Variants in OPRM1 observed in about 807,000 individuals in gnomAD.
The protein encoded by OPRM1 is mu-type opioid receptor.
OPRM1 carries 27 observed loss-of-function variants against 31.8 expected under a neutral mutation model. That is an observed-to-expected ratio of 0.85 (90% CI 0.63 to 1.17). The LOEUF (loss-of-function observed/expected upper bound fraction) is 1.17, where lower values mean the gene tolerates loss of function less well. Among genes scored for constraint, OPRM1 ranks in the 50% most tolerant of loss-of-function variants. The pLI is 0.00. For synonymous variants in OPRM1, 196 were observed against 189.9 expected, an observed-to-expected ratio of 1.03 and a Z score of -0.26; for missense variants, 536 against 511.1, an observed-to-expected ratio of 1.05 and a Z score of -0.47.
In OPRM1 at chr6:154,110,406, G is replaced by C. The variant is rs749570415; in HGVS notation, c.1165-8277G>C. 43 of 1,507,820 alleles carry C rather than the reference G, an allele frequency of 2.9e-5. No homozygotes were observed. The South Asian group carries it at 4.9e-4, about 17-fold the overall frequency. 93.4% of individuals were successfully genotyped at this position (1,507,820 alleles called of 1,614,324 possible). ...TTTACTCAACTGTGAGCATACCAAG[G>C]GCTAATAATTACAATATTTTCCCGT... On this transcript the variant is annotated intron_variant, in intron 3 of 3. Coordinates refer to ENST00000330432, the MANE Select transcript of OPRM1 (RefSeq NM_000914.5).
At chr6:154,173,988 A>G (rs1203119431) in intron 3 of OPRM1, among the ~76,000 whole-genome samples, 1 of 152,254 alleles carries the variant, frequency 6.6e-6, no homozygotes, top group Non-Finnish European at 1.5e-5. Context: ...CAGAAACCCT[A>G]CAAGCCAGAA....
chr6:154,080,731 A>G (rs1268153248), intron 1 of OPRM1, among the ~76,000 whole-genome samples: 1 of 152,196 alleles, frequency 6.6e-6, no homozygotes, highest in Non-Finnish European at 1.5e-5. Context: ...GGCTCCGGCT[A>G]AACTGTAGAC....
At chr6:154,246,666 A>G (rs1298941117) in intron 3 of OPRM1, 17 of 1,613,858 alleles carry the variant, frequency 1.1e-5, no homozygotes, top group Non-Finnish European at 1.4e-5. Flanking sequence ...TGCTTAGGAA[A>G]CTTCCCTTTT....
chr6:154,186,451 A>G (rs549063534), intron 3 of OPRM1, among the ~76,000 whole-genome samples: 8 of 152,306 alleles, frequency 5.3e-5, no homozygotes, highest in Middle Eastern at 3.4e-3. Flanking sequence ...AGCAAATCCC[A>G]TCACCTCCAC....
chr6:154,114,669 A>G (rs1311791171), intron 3 of OPRM1, among the ~76,000 whole-genome samples: 1 of 152,200 alleles, frequency 6.6e-6, no homozygotes. Context: ...ATTCATTTAC[A>G]GTCACAATGT....
At chr6:154,088,567 G>A (rs146686443) in intron 1 of OPRM1, among the ~76,000 whole-genome samples, 25 of 152,158 alleles carry the variant, frequency 1.6e-4, no homozygotes, top group South Asian at 1.0e-3. Flanking sequence ...AACAGGCAAC[G>A]GTCCAATTGG....
At position 154,168,590 on chromosome 6, in the gene OPRM1, A is replaced by T. The variant is rs1480827634; in HGVS notation, c.1164+77118A>T. ...AGGACGTCAACATACGAATTTTATTAATTAATTAATTAATTTTATTATTAT... is the reference window on the plus strand; with the variant it reads ...AGGACGTCAACATACGAATTTTATTTATTAATTAATTAATTTTATTATTAT... On this transcript the variant is annotated intron_variant, in intron 3 of 3. Coordinates refer to the OPRM1 transcript ENST00000337049. The surrounding 1 kb of genome is among the most constrained non-coding windows in gnomAD (Gnocchi z 4.1). Among the ~76,000 whole-genome samples the T allele has an allele frequency of 6.6e-6, 1 of 152,006 alleles. No homozygotes were observed. Among genetic ancestry groups the T allele is most frequent in the Non-Finnish European group, 1.5e-5 (1 of 68,004 alleles).
At chr6:154,010,859 G>T (rs1777687198) in exon 1 of OPRM1, 1 of 1,341,914 alleles carries the variant, frequency 7.5e-7, no homozygotes, top group Non-Finnish European at 9.6e-7. Context: ...CCTTGTTCTT[G>T]TGGTTGCTAC....
At chr6:154,066,234 C>T (rs1053249526) in intron 1 of OPRM1, among the ~76,000 whole-genome samples, 4 of 152,002 alleles carry the variant, frequency 2.6e-5, no homozygotes, top group African/African-American at 9.7e-5. Context: ...GTTTTCTTTT[C>T]TTGTAGTATC....
intron 1 of OPRM1, among the ~76,000 whole-genome samples, chr6:154,089,426 A>C (rs1791465371): frequency 6.6e-6 from 1 of 152,030 alleles, no homozygotes; most frequent in African/African-American, 2.4e-5. Context: ...GTCCCTACAA[A>C]AGTTTTTTAA....
chr6:154,155,842 CT>C (rs1484190190), intron 3 of OPRM1: 1 of 152,132 alleles, frequency 6.6e-6, no homozygotes, highest in African/African-American at 2.4e-5. Flanking sequence ...TTAAACATGT[CT>C]TAAATTTGAA....
intron 1 of OPRM1, among the ~76,000 whole-genome samples, chr6:154,020,367 G>A (rs549625963): frequency 2.4e-4 from 36 of 152,266 alleles, no homozygotes; most frequent in Admixed American, 8.5e-4. Context: ...CCATACTCCT[G>A]AAAGATACCA....
rs2128531399 is a variant in OPRM1, at chr6:154,128,071, C to CA, written c.*9351dup. Among the ~76,000 whole-genome samples the CA allele has an allele frequency of 6.6e-6, 1 of 152,292 alleles. No individual in the cohort carries two copies. The highest frequency in any genetic ancestry group is 1.5e-5 in the Non-Finnish European group (1 of 68,022). On this transcript the variant is annotated 3_prime_UTR_variant, in exon 4 of 4. Coordinates refer to ENST00000330432, the MANE Select transcript of OPRM1 (RefSeq NM_000914.5). Reference sequence around the variant, plus strand: ...ATCTGTATAAATTAGGTTCAAATAACAGAGTATTTCCAGGATTTATAAATT... The same window carrying CA: ...ATCTGTATAAATTAGGTTCAAATAACAAGAGTATTTCCAGGATTTATAAATT...
intron 3 of OPRM1, among the ~76,000 whole-genome samples, chr6:154,239,353 G>A (rs1378791595): frequency 6.6e-6 from 1 of 152,036 alleles, no homozygotes; most frequent in Non-Finnish European, 1.5e-5. Context: ...ATAATTGTTA[G>A]AACACAATAA....
exon 1 of OPRM1, chr6:154,010,897 G>A (rs1777688961): frequency 3.0e-6 from 4 of 1,322,644 alleles, no homozygotes; most frequent in Non-Finnish European, 3.9e-6. Context: ...CTATGAGAAG[G>A]ACCAGCCCTT....
At chr6:154,221,203 T>C (rs1778836072) in intron 3 of OPRM1, 1 of 1,299,618 alleles carries the variant, frequency 7.7e-7, no homozygotes, top group African/African-American at 1.5e-5. Context: ...AGTACCAGGC[T>C]AAAGTTAAGT....
In OPRM1 at chr6:154,119,554, C is replaced by A; in HGVS notation, c.*833C>A. 2.0e-6 allele frequency: 1 copy of A among 492,464 alleles called. No individual in the cohort carries two copies. Among genetic ancestry groups the A allele is most frequent in the Non-Finnish European group, 2.6e-6 (1 of 379,590 alleles). The allele number at this position is 492,464 out of a possible 1,614,324, so 30.5% of individuals were successfully genotyped here. A position where few individuals can be genotyped will look rare whatever the true frequency, so the allele number is the denominator to read the frequency against. The stretch of plus-strand genomic sequence containing the variant: ...CACTTCATCCATGCAGGAAGTCAAG[C>A]ATTAAAATGTACTCTTTATTTCTCA... On this transcript the variant is annotated 3_prime_UTR_variant, in exon 4 of 4. Coordinates refer to ENST00000330432, the MANE Select transcript of OPRM1 (RefSeq NM_000914.5).
chr6:154,044,361 A>G (rs1404290468), intron 1 of OPRM1, among the ~76,000 whole-genome samples: 1 of 152,168 alleles, frequency 6.6e-6, no homozygotes, highest in Non-Finnish European at 1.5e-5. Flanking sequence ...ACCATATCAT[A>G]TGTTTAAGCT....
chr6:154,067,690 A>G (rs951688928), intron 1 of OPRM1, among the ~76,000 whole-genome samples: 13 of 151,988 alleles, frequency 8.6e-5, no homozygotes, highest in African/African-American at 2.9e-4. Flanking sequence ...TGTGTTTTGT[A>G]AGTCCTCTAT....
Sources: gnomAD v4.1 joint callset for allele counts (sites outside exome capture counted in the v4.1 genomes callset) on GRCh38, gnomAD v4.1.1 for gene constraint, Gnocchi (gnomAD v3.1) non-coding constraint, MANE v1.5 for transcripts, NCBI Gene and HGNC (gene_info 2026-07-23, HGNC 2026-07-21) for gene names.